Variants in PAX4 observed in about 807,000 individuals in gnomAD.
PAX4 encodes paired box protein Pax-4.
PAX4 carries 33 observed loss-of-function variants against 40.6 expected under a neutral mutation model. The observed-to-expected ratio is 0.81, with a 90% CI of 0.62 to 1.09. PAX4 has a LOEUF of 1.09. Among genes scored for constraint, PAX4 ranks in the 50% least tolerant of loss-of-function variants. The probability of loss-of-function intolerance (pLI) is 0.00; values close to 1 mark genes in which losing one functional copy is unlikely to be tolerated. For missense variants in PAX4, 459 were observed against 442.5 expected, an observed-to-expected ratio of 1.04 and a Z score of -0.33; for synonymous variants, 174 against 170.6, an observed-to-expected ratio of 1.02 and a Z score of -0.16.
intron 4 of PAX4, 130 bp from the exon 5 acceptor site, chr7:127,615,225 G>A: frequency 6.3e-7 from 1 of 1,594,194 alleles, no homozygotes; most frequent in Non-Finnish European, 8.5e-7. Flanking sequence ...CGGGAGTCCA[G>A]CCTCACCTTT....
chr7:127,612,670 G>A (rs909112328), intron 9 of PAX4, among the ~76,000 whole-genome samples: 3 of 150,928 alleles, frequency 2.0e-5, no homozygotes, highest in African/African-American at 7.3e-5. Context: ...TGGGTGTGGT[G>A]GGTGGATGAT....
In PAX4 at chr7:127,611,671, G is replaced by A. The variant is rs1317508996; in HGVS notation, c.777C>T (p.Ser259=). The A allele has an allele frequency of 1.2e-6, 2 of 1,610,676 alleles. No individual in the cohort carries two copies. Among genetic ancestry groups the A allele is most frequent in the African/African-American group, 1.3e-5 (1 of 74,512 alleles). ...VAPGIISAQQ[S]PGSVPTAALP... ...GGGCTGCTGTGGGCACACTGCCAGG[G>A]GACTGCTAAAAAAAAAAAGCAAGAG... is the stretch of plus-strand genomic sequence containing the variant. The change falls in exon 11 of 12, where the codon TCC becomes TCT. Residue 259 remains serine, a synonymous_variant. Transcript: ENST00000639438.
intron 3 of PAX4, 57 bp downstream of exon 3, chr7:127,615,859 G>A: frequency 6.5e-7 from 1 of 1,535,254 alleles, no homozygotes; most frequent in Non-Finnish European, 8.7e-7. Flanking sequence ...AAAGCCCTGA[G>A]GTCTTCCCCT....
chr7:127,614,926 C>T lies in PAX4; in HGVS notation c.314G>A (p.Arg105His), dbSNP rs765561668. The T allele has an allele frequency of 1.4e-5, 22 of 1,614,148 alleles. No individual in the cohort carries two copies. The East Asian group carries it at 1.6e-4, about 11-fold the overall frequency. The change falls in exon 5 of 12, where the codon CGC becomes CAC. Residue 105 changes from arginine (R) to histidine (H), a missense_variant. Coordinates refer to ENST00000639438, the MANE Select transcript of PAX4 (RefSeq NM_001366110.1). Reference protein sequence around the residue: ...CPALFAWEIQRQLCAEGLCTQ... With the variant: ...CPALFAWEIQHQLCAEGLCTQ... ...GCAAAGCCCTTCAGCACAAAGCTGG[C>T]GTTGGATTTCCCAGGCAAAGAGGGC... is the stretch of plus-strand genomic sequence containing the variant.
intron 10 of PAX4, 113 bp from the exon 11 acceptor site, chr7:127,611,789 G>A: frequency 1.9e-6 from 3 of 1,600,336 alleles, no homozygotes; most frequent in Non-Finnish European, 2.5e-6. Flanking sequence ...AACTCCAGAG[G>A]GCACCATTCA....
chr7:127,613,338 A>C, intron 8 of PAX4, 112 bp downstream of exon 8: 1 of 1,081,720 alleles, frequency 9.2e-7, no homozygotes, highest in Non-Finnish European at 1.4e-6. Context: ...TGCTCCAAAC[A>C]AATTTGCTTC....
At chr7:127,616,109 G>C in intron 2 of PAX4, 82 bp from the exon 3 acceptor site, 3 of 669,658 alleles carry the variant, frequency 4.5e-6, no homozygotes, top group Non-Finnish European at 7.3e-6. Flanking sequence ...AGAGGGTCAG[G>C]TTCCTAAAAT....
At chr7:127,616,468 T>C (rs1794725632) in intron 2 of PAX4, among the ~76,000 whole-genome samples, 1 of 152,182 alleles carries the variant, frequency 6.6e-6, no homozygotes, top group Non-Finnish European at 1.5e-5. Context: ...AGTCCTCGGT[T>C]GGGCTCTCCA....
intron 4 of PAX4, 118 bp from the exon 5 acceptor site, chr7:127,615,213 G>T (rs375621478): frequency 1.0e-5 from 16 of 1,597,016 alleles, no homozygotes; most frequent in Non-Finnish European, 1.3e-5. Flanking sequence ...AGGCCATGAA[G>T]TCGGGAGTCC....
chr7:127,612,083 A>C, intron 9 of PAX4, 83 bp from the exon 10 acceptor site: 2 of 1,366,066 alleles, frequency 1.5e-6, no homozygotes, highest in Non-Finnish European at 2.1e-6. Flanking sequence ...GGAAGGTTGG[A>C]TACAAAGAGG....
intron 10 of PAX4, 98 bp downstream of exon 10, chr7:127,611,847 C>A: frequency 6.3e-7 from 1 of 1,597,058 alleles, no homozygotes; most frequent in South Asian, 1.1e-5. Context: ...CACTGTGGGG[C>A]CCTGGAGAGC....
Position 127,615,538 on chromosome 7 carries a change from G to T in PAX4, c.14-7C>A. ...TGGTTCATGCTGCTGATCCCTGGGC[G>T]TGAGACAGAGGTATCCACACACCAC... On this transcript the variant is annotated splice_polypyrimidine_tract_variant and splice_region_variant and intron_variant, in intron 3 of 11. Coordinates refer to ENST00000639438, the MANE Select transcript of PAX4 (RefSeq NM_001366110.1). 6.2e-7 allele frequency: 1 copy of T among 1,613,754 alleles called. No individual in the cohort carries two copies. The highest frequency in any genetic ancestry group is 1.1e-5 in the South Asian group (1 of 91,072).
intron 9 of PAX4, 68 bp downstream of exon 9, chr7:127,612,954 T>G: frequency 8.7e-7 from 1 of 1,150,284 alleles, no homozygotes; most frequent in Non-Finnish European, 1.3e-6. Context: ...GATGGATGGA[T>G]GGATGGATGG....
intron 6 of PAX4, 110 bp downstream of exon 6, chr7:127,614,372 T>G: frequency 1.2e-6 from 1 of 854,424 alleles, no homozygotes; most frequent in Non-Finnish European, 1.9e-6. Context: ...CAGTCCTCCT[T>G]ATTGGGTTGT....
intron 3 of PAX4, 144 bp from the exon 4 acceptor site, chr7:127,615,675 G>C (rs1794713457): frequency 4.5e-6 from 7 of 1,547,070 alleles, no homozygotes; most frequent in Non-Finnish European, 6.1e-6. Flanking sequence ...CTGCCCCCAG[G>C]CTGTCAACGC....
In PAX4 at chr7:127,610,785, T is replaced by C; in HGVS notation, c.*279A>G. 8.0e-7 allele frequency: 1 copy of C among 1,256,592 alleles called. No individual in the cohort carries two copies. The highest frequency in any genetic ancestry group is 1.1e-6 in the Non-Finnish European group (1 of 893,802). The allele number at this position is 1,256,592 out of a possible 1,614,324, so 77.8% of individuals were successfully genotyped here. A position where few individuals can be genotyped will look rare whatever the true frequency, so the allele number is the denominator to read the frequency against. ...CATAGGGGTGCTCATAGGGAAAACA[T>C]GATGGACAACAGAACTACTGCTAAT... On this transcript the variant is annotated 3_prime_UTR_variant, in exon 12 of 12. Coordinates refer to ENST00000639438, the MANE Select transcript of PAX4 (RefSeq NM_001366110.1).
At position 127,611,204 on chromosome 7, in the gene PAX4, G is replaced by A; in HGVS notation, c.916C>T (p.His306Tyr). The change falls in exon 12 of 12, where the codon CAC becomes TAC. Residue 306 changes from histidine to tyrosine, a missense_variant and splice_region_variant. Transcript: ENST00000639438. ...PKACLKPCWG[H>Y]LPPQPNSLDS... ...AGGGAATTCGGCTGTGGGGGCAAGT[G>A]GCCTGTGGGGACAAATAGAGAGAGC... The A allele has an allele frequency of 6.3e-7, 1 of 1,596,162 alleles. No homozygotes were observed. The highest frequency in any genetic ancestry group is 1.1e-5 in the South Asian group (1 of 88,332).
chr7:127,616,669 T>C (rs773236350), intron 2 of PAX4, among the ~76,000 whole-genome samples: 18 of 152,268 alleles, frequency 1.2e-4, no homozygotes, highest in Non-Finnish European at 2.4e-4. Context: ...TTAGCATCTC[T>C]AACCTGCTGA....
In PAX4 at chr7:127,615,253, C is replaced by G. The variant is rs780727606; in HGVS notation, c.144+148G>C. 3.8e-6 allele frequency: 6 copies of G among 1,594,414 alleles called. No individual in the cohort carries two copies. In the African/African-American group the frequency reaches 5.4e-5, roughly 14 times the overall value. On this transcript the variant is annotated intron_variant, in intron 4 of 11. Coordinates refer to ENST00000639438, the MANE Select transcript of PAX4 (RefSeq NM_001366110.1). ...TCACCTTTGAGGGCCTGAGGCTCCC[C>G]TTTTCAACCTCCGAGAGGATCTCCC...
Sources: gnomAD v4.1 joint callset for allele counts (sites outside exome capture counted in the v4.1 genomes callset) on GRCh38, gnomAD v4.1.1 for gene constraint, MANE v1.5 for transcripts, NCBI Gene and HGNC (gene_info 2026-07-23, HGNC 2026-07-21) for gene names.